CFAP61: variants seen among roughly 807,000 people sequenced by gnomAD.
CFAP61 encodes cilia and flagella associated protein 61.
Under a neutral mutation model 135.6 loss-of-function variants are expected in CFAP61, and 107 were observed. That is an observed-to-expected ratio of 0.79 (90% confidence interval 0.67 to 0.93). CFAP61 has a LOEUF of 0.93. Ranked by LOEUF, CFAP61 falls within the 40% of genes least tolerant of loss-of-function variation. CFAP61 has a pLI of 0.00. For missense variants in CFAP61, 1,507 were observed against 1,556.2 expected (o/e 0.97, Z 0.53); for synonymous variants, 575 against 578.5 (o/e 0.99, Z 0.09).
intron 17 of CFAP61, among the ~76,000 whole-genome samples, chr20:20,216,795 A>AT (rs11475264): frequency 5.4e-4 from 80 of 149,222 alleles, no homozygotes; most frequent in East Asian, 1.4e-3. Context: ...TTCTATACCA[A>AT]TTTTTTTTTT....
intron 21 of CFAP61, among the ~76,000 whole-genome samples, chr20:20,274,078 G>A (rs2053562421): frequency 6.6e-6 from 1 of 152,160 alleles, no homozygotes; most frequent in Non-Finnish European, 1.5e-5. Flanking sequence ...CTAAGAGTTA[G>A]CACCATGCTT....
intron 8 of CFAP61, among the ~76,000 whole-genome samples, chr20:20,134,446 G>A (rs761555592): frequency 6.6e-5 from 10 of 152,192 alleles, no homozygotes; most frequent in Non-Finnish European, 1.2e-4. Context: ...TGCATGCCTT[G>A]CAAGAGAGTT....
intron 25 of CFAP61, among the ~76,000 whole-genome samples, chr20:20,315,731 G>C (rs1431631445): frequency 6.6e-6 from 1 of 152,142 alleles, no homozygotes; most frequent in African/African-American, 2.4e-5. Context: ...GTAAGGAAGG[G>C]ATCCAGTTTC....
intron 25 of CFAP61, 44 bp from the exon 26 acceptor site, chr20:20,341,784 GTAA>G (rs777295417): frequency 7.6e-7 from 1 of 1,318,322 alleles, no homozygotes; most frequent in Non-Finnish European, 1.1e-6. Flanking sequence ...TTTATTAGTG[GTAA>G]TGAGAGGGTT....
At position 20,322,011 on chromosome 20, in the gene CFAP61, T is replaced by G. The variant is rs572845202; in HGVS notation, c.3423-19820T>G. Among the ~76,000 whole-genome samples, 5 of 152,250 alleles carry G rather than the reference T, an allele frequency of 3.3e-5. No individual in the cohort carries two copies. In the South Asian group the frequency reaches 1.0e-3, roughly 32 times the overall value. ...TGACATATAAGAAGTCTAACTATCC[T>G]CAGACCACCATGCTGTGAGGAAGCC... On this transcript the variant is annotated intron_variant, in intron 25 of 26. Transcript: ENST00000245957.
intron 25 of CFAP61, among the ~76,000 whole-genome samples, chr20:20,332,480 C>G (rs1307248572): frequency 6.6e-6 from 1 of 152,168 alleles, no homozygotes; most frequent in Non-Finnish European, 1.5e-5. Context: ...TTACTTGGCT[C>G]ACCCAGTGTA....
intron 25 of CFAP61, among the ~76,000 whole-genome samples, chr20:20,321,673 C>T (rs1292704028): frequency 3.9e-5 from 6 of 152,280 alleles, no homozygotes; most frequent in Middle Eastern, 3.4e-3. Flanking sequence ...CCCATGTTTA[C>T]GTTGCAAGCC....
In CFAP61 at chr20:20,263,119, T is replaced by C. The variant is rs767678846; in HGVS notation, c.2492T>C (p.Ile831Thr). The change falls in exon 21 of 27, where the codon ATC becomes ACC. Residue 831 changes from isoleucine (I) to threonine (T), a missense_variant. Physicochemically the swap from Ile to Thr is moderately conservative, Grantham distance 89 (BLOSUM62 -1). Coordinates refer to ENST00000245957, the MANE Select transcript of CFAP61 (RefSeq NM_015585.4). ...KALIWIRNNS[I>T]TTEGNIIVYG... is the part of the protein sequence containing the mutation. ...CTGATTTGGATAAGGAATAACTCCATCACCACAGAAGGTAAGGATGTCGGT... is the reference window on the plus strand; with the variant it reads ...CTGATTTGGATAAGGAATAACTCCACCACCACAGAAGGTAAGGATGTCGGT... 2 of 1,612,558 alleles carry C rather than the reference T, an allele frequency of 1.2e-6. No individual in the cohort carries two copies. The highest frequency in any genetic ancestry group is 2.2e-5 in the South Asian group (2 of 90,814).
intron 1 of CFAP61, among the ~76,000 whole-genome samples, chr20:20,053,378 T>C (rs575161016): frequency 1.1e-4 from 16 of 152,218 alleles, no homozygotes; most frequent in Admixed American, 2.6e-4. Flanking sequence ...CTTAAAAATA[T>C]CCTCCACCAG....
intron 25 of CFAP61, among the ~76,000 whole-genome samples, chr20:20,313,205 C>G (rs868612541): frequency 5.3e-5 from 8 of 152,226 alleles, no homozygotes; most frequent in South Asian, 2.1e-4. Context: ...CTATCTCTCT[C>G]TCTGTCATGT....
chr20:20,228,529 T>C, intron 18 of CFAP61, 153 bp downstream of exon 18: 1 of 613,412 alleles, frequency 1.6e-6, no homozygotes, highest in Non-Finnish European at 2.7e-6. Context: ...AGAAGAATAT[T>C]CTAGATCAGG....
rs1289282031 is a variant in CFAP61 at position 20,314,336 on chromosome 20, G to C, written c.3422+15950G>C. On this transcript the variant is annotated intron_variant, in intron 25 of 26. Transcript: ENST00000245957. ...ACCTGGGAGGCAGAGGCTGCATTGA[G>C]CCAAGATTGCACCACTGCACTCCCC... 2.7e-5 allele frequency among the ~76,000 whole-genome samples: 4 copies of C among 147,772 alleles called. No homozygotes were observed. The East Asian group carries it at 7.9e-4, about 29-fold the overall frequency.
chr20:20,095,473 A>G (rs913623799), intron 7 of CFAP61: 4 of 152,288 alleles, frequency 2.6e-5, no homozygotes, highest in African/African-American at 9.6e-5. Flanking sequence ...GGAAACCCTT[A>G]CTACTGAAAG....
intron 2 of CFAP61, among the ~76,000 whole-genome samples, chr20:20,058,617 A>G (rs928565468): frequency 1.3e-5 from 2 of 152,254 alleles, no homozygotes; most frequent in African/African-American, 2.4e-5. Flanking sequence ...GTGAGGGCTC[A>G]CTCAGCCTTA....
chr20:20,320,024 A>G (rs1301920890), intron 25 of CFAP61, among the ~76,000 whole-genome samples: 2 of 152,072 alleles, frequency 1.3e-5, no homozygotes, highest in Non-Finnish European at 2.9e-5. Context: ...GGAACATGTA[A>G]AACATGTAAA....
chr20:20,289,163 A>G (rs2054817350), intron 23 of CFAP61, among the ~76,000 whole-genome samples: 1 of 152,224 alleles, frequency 6.6e-6, no homozygotes, highest in African/African-American at 2.4e-5. Context: ...TATGGACCAC[A>G]TCCTAAATGG....
chr20:20,275,578 T>G (rs968896827), intron 21 of CFAP61, among the ~76,000 whole-genome samples: 1 of 152,170 alleles, frequency 6.6e-6, no homozygotes, highest in African/African-American at 2.4e-5. Flanking sequence ...CAGTTTTCCA[T>G]GAGCCTGTGA....
At chr20:20,142,609 C>T (rs1295420749) in intron 8 of CFAP61, among the ~76,000 whole-genome samples, 1 of 152,180 alleles carries the variant, frequency 6.6e-6, no homozygotes, top group African/African-American at 2.4e-5. Context: ...CTCCCCTGGG[C>T]AGCATCATGT....
intron 6 of CFAP61, among the ~76,000 whole-genome samples, chr20:20,076,456 A>C (rs1025923071): frequency 6.6e-6 from 1 of 152,134 alleles, no homozygotes; most frequent in African/African-American, 2.4e-5. Flanking sequence ...AGCCCCATAT[A>C]TCTACAGCAC....
Sources: gnomAD v4.1 joint callset for allele counts (sites outside exome capture counted in the v4.1 genomes callset) on GRCh38, gnomAD v4.1.1 for gene constraint, MANE v1.5 for transcripts, NCBI Gene and HGNC (gene_info 2026-07-23, HGNC 2026-07-21) for gene names.